The following ACAP3 variants were observed in gnomAD, a reference collection of about 807,000 sequenced individuals.
ACAP3 encodes the protein arf-GAP with coiled-coil, ANK repeat and PH domain-containing protein 3.
Under a neutral mutation model 104.1 loss-of-function variants are expected in ACAP3, and 56 were observed. That is an observed-to-expected ratio of 0.54 (90% CI 0.43 to 0.67). The LOEUF (loss-of-function observed/expected upper bound fraction) is 0.67, where lower values mean the gene tolerates loss of function less well. Among genes scored for constraint, ACAP3 ranks in the 30% least tolerant of loss-of-function variants. ACAP3 has a pLI of 0.00. For missense variants in ACAP3, 1,208 were observed against 1,174.9 expected (o/e 1.03, Z -0.41); for synonymous variants, 628 against 496.2 (o/e 1.27, Z -3.53).
intron 14 of ACAP3, among the ~76,000 whole-genome samples, 183 bp from the exon 15 acceptor site, chr1:1,296,816 C>T (rs1045600418): frequency 2.6e-4 from 32 of 124,436 alleles, no homozygotes; most frequent in Admixed American, 1.2e-3. Flanking sequence ...AGCACACGCC[C>T]GCACACGCAC....
chr1:1,296,852 G>A (rs1641191195), intron 14 of ACAP3, among the ~76,000 whole-genome samples: 1 of 147,266 alleles, frequency 6.8e-6, no homozygotes, highest in African/African-American at 2.4e-5. Context: ...CACGTGGACA[G>A]GTGGCGCCGA....
At chr1:1,306,480 TG>T (rs1408692617) in intron 1 of ACAP3, among the ~76,000 whole-genome samples, 2 of 152,104 alleles carry the variant, frequency 1.3e-5, no homozygotes, top group Non-Finnish European at 2.9e-5. Context: ...CAACAGAAGA[TG>T]GGAGAGCAGA....
At position 1,300,207 on chromosome 1, in the gene ACAP3, C is replaced by A; in HGVS notation, c.523-5G>T. The A allele has an allele frequency of 6.2e-7, 1 of 1,604,818 alleles. No individual in the cohort carries two copies. The highest frequency in any genetic ancestry group is 8.5e-7 in the Non-Finnish European group (1 of 1,175,228). On this transcript the variant is annotated splice_polypyrimidine_tract_variant and splice_region_variant and intron_variant, in intron 6 of 23. Coordinates refer to ENST00000354700, the MANE Select transcript of ACAP3 (RefSeq NM_030649.3). ...CTTGGCCTGCAGAACATTGATCTGC[C>A]AGAGGGGGAGCCCACAGGTGAGCCC...
At chr1:1,300,288 T>C in intron 6 of ACAP3, 86 bp from the exon 7 acceptor site, 1 of 1,476,124 alleles carries the variant, frequency 6.8e-7, no homozygotes, top group Non-Finnish European at 9.1e-7. Flanking sequence ...CCTGAGCTGC[T>C]TGTGGTTCCC....
rs778300977 is a variant in ACAP3 at position 1,307,406 on chromosome 1, G to C, written c.47+363C>G. 18 of 1,291,714 alleles carry C rather than the reference G, an allele frequency of 1.4e-5. No individual in the cohort carries two copies. The South Asian group carries it at 2.2e-4, about 16-fold the overall frequency. The allele number at this position is 1,291,714 out of a possible 1,614,324, so 80.0% of individuals were successfully genotyped here. A position where few individuals can be genotyped will look rare whatever the true frequency, so the allele number is the denominator to read the frequency against. On this transcript the variant is annotated intron_variant, in intron 1 of 23. Coordinates refer to ENST00000354700, the MANE Select transcript of ACAP3 (RefSeq NM_030649.3). ...GCTCTGGACACAGGATCAAGTCAGA[G>C]ACCAGGGGCCGACGCCCCCACGGAC...
intron 9 of ACAP3, 84 bp downstream of exon 9, chr1:1,299,747 C>T (rs771661694): frequency 1.8e-5 from 26 of 1,412,288 alleles, no homozygotes; most frequent in Admixed American, 1.1e-4. Context: ...GAGGAAGGGG[C>T]GGGGAGGGTG....
chr1:1,293,731 A>ACGACCCGCCCCTGCCCTGGAGGCCC, intron 23 of ACAP3, 23 bp from the exon 24 acceptor site: 2 of 942,762 alleles, frequency 2.1e-6, no homozygotes, highest in East Asian at 7.1e-5. Context: ...ACAGCGTGAG[A>ACGACCCGCCCCTGCCCTGGAGGCCC]CGCCCCTGCC....
In ACAP3 at chr1:1,299,988, C is replaced by T. The variant is rs766433058; in HGVS notation, c.648G>A (p.Lys216=). Residue 216 remains lysine (K), a synonymous_variant, in exon 8 of 24, where the codon AAG becomes AAA. Transcript: ENST00000354700. The part of the protein sequence containing the change: ...SLLHQLDPYM[K]KLAAELDQLV... Reference sequence around the variant, plus strand: ...AAAGGCTCACCTCGGCTGCCAGCTTCTTCATGTAGGGGTCCAGCTGGTGCA... The same window carrying T: ...AAAGGCTCACCTCGGCTGCCAGCTTTTTCATGTAGGGGTCCAGCTGGTGCA... 5.0e-6 allele frequency: 8 copies of T among 1,610,548 alleles called. No homozygotes were observed. Among genetic ancestry groups the T allele is most frequent in the Admixed American group, 1.7e-5 (1 of 59,932 alleles).
At chr1:1,307,132 A>G (rs1268701044) in intron 1 of ACAP3, 1 of 1,245,772 alleles carries the variant, frequency 8.0e-7, no homozygotes, top group African/African-American at 1.5e-5. Flanking sequence ...CACCAAGCAA[A>G]GCCGATGCAC....
rs774777723 is a variant in ACAP3 at position 1,293,653 on chromosome 1, G to C, written c.2416C>G (p.Pro806Ala). 2 of 1,475,410 alleles carry C rather than the reference G, an allele frequency of 1.4e-6. No homozygotes were observed. The highest frequency in any genetic ancestry group is 1.5e-5 in the African/African-American group (1 of 66,552). The allele number at this position is 1,475,410 out of a possible 1,614,324, so 91.4% of individuals were successfully genotyped here. ...GGGCTGCCCGCCAGGGCGCCCGGGG[G>C]ACCAGGGGCAGCCTCGGCCTCGCGC... The part of the protein sequence containing the change: ...EMREAEAAPG[P>A]PGALAGSPTE... Residue 806 changes from proline to alanine, a missense_variant, in exon 24 of 24, where the codon CCC becomes GCC. Physicochemically the swap from Pro to Ala is conservative, Grantham distance 27 (BLOSUM62 -1). Transcript: ENST00000354700.
Position 1,298,608 on chromosome 1 carries a change from G to A in ACAP3, c.822C>T (p.Tyr274=), listed in dbSNP as rs1188351232. The A allele has an allele frequency of 1.9e-6, 3 of 1,612,164 alleles. No individual in the cohort carries two copies. Among genetic ancestry groups the A allele is most frequent in the Non-Finnish European group, 2.5e-6 (3 of 1,179,752 alleles). Reference sequence around the variant, plus strand: ...AAGCGTTGCTGGCCCTCTTGAAGAGGTAGCCCTCCATCACCACCCCACTGG... The same window carrying A: ...AAGCGTTGCTGGCCCTCTTGAAGAGATAGCCCTCCATCACCACCCCACTGG... ...DAPSGVVMEG[Y]LFKRASNAFK... The change falls in exon 11 of 24, where the codon TAC becomes TAT. Residue 274 remains tyrosine (Y), a synonymous_variant. Coordinates refer to ENST00000354700, the MANE Select transcript of ACAP3 (RefSeq NM_030649.3).
At chr1:1,298,462 T>A (rs1462066595) in intron 11 of ACAP3, 41 bp from the exon 12 acceptor site, 1 of 1,593,306 alleles carries the variant, frequency 6.3e-7, no homozygotes, top group African/African-American at 1.3e-5. Context: ...GCGGGGCCCA[T>A]CCCAGGGCTG....
chr1:1,295,396 C>T (rs1471860617), intron 19 of ACAP3, 51 bp downstream of exon 19: 3 of 1,555,624 alleles, frequency 1.9e-6, no homozygotes, highest in African/African-American at 1.4e-5. Context: ...CCCTTCAGGC[C>T]AGCCTCCTTG....
Position 1,299,762 on chromosome 1 carries a change from G to A in ACAP3, c.738+69C>T, listed in dbSNP as rs765889645. 51 of 1,469,784 alleles carry A rather than the reference G, an allele frequency of 3.5e-5. No homozygotes were observed. The African/African-American group carries it at 5.4e-4, about 15-fold the overall frequency. 91.0% of individuals were successfully genotyped at this position (1,469,784 alleles called of 1,614,324 possible). On this transcript the variant is annotated intron_variant, in intron 9 of 23. Transcript: ENST00000354700. Reference sequence around the variant, plus strand: ...GAGGAAGGGGCGGGGAGGGTGTGCCGGGCATGGGGTGAGGACGCAGGGGCC... The same window carrying A: ...GAGGAAGGGGCGGGGAGGGTGTGCCAGGCATGGGGTGAGGACGCAGGGGCC...
At chr1:1,305,386 C>G (rs1641647378) in intron 1 of ACAP3, 1 of 152,860 alleles carries the variant, frequency 6.5e-6, no homozygotes, top group Non-Finnish European at 1.5e-5. Flanking sequence ...AGAGAAGGGA[C>G]CATCCTCCCA....
At position 1,300,665 on chromosome 1, in the gene ACAP3, CTT is replaced by C; in HGVS notation, c.364_365del (p.Lys122GlufsTer4). On this transcript the variant is annotated frameshift_variant, in exon 6 of 24. Transcript: ENST00000354700. LOFTEE classifies it high-confidence loss of function. ...CCTCCCGCACCTTGTCAAACTGCTT[CTT>C]TGTCTCCTTGAACTTCCGCACATCC... is the stretch of plus-strand genomic sequence containing the variant. ...KEDVRKFKETKKQFDKVREDL... is the reference protein window; with the variant it reads ...KEDVRKFKETXKQFDKVREDL... 1 of 1,608,986 alleles carries C rather than the reference CTT, an allele frequency of 6.2e-7. No homozygotes were observed. Among genetic ancestry groups the C allele is most frequent in the Non-Finnish European group, 8.5e-7 (1 of 1,178,778 alleles).
intron 1 of ACAP3, chr1:1,305,740 G>T: frequency 6.5e-6 from 1 of 153,068 alleles, no homozygotes; most frequent in Non-Finnish European, 1.5e-5. Context: ...CCCAACCAAA[G>T]CCATGACTCA....
intron 1 of ACAP3, chr1:1,307,357 C>A (rs1641778794): frequency 7.8e-7 from 1 of 1,289,842 alleles, no homozygotes; most frequent in African/African-American, 1.5e-5. Context: ...AAACGCGGCT[C>A]CAGCTGCCTG....
intron 4 of ACAP3, among the ~76,000 whole-genome samples, chr1:1,302,457 GA>G (rs1307452326): frequency 2.0e-5 from 3 of 152,198 alleles, no homozygotes. Flanking sequence ...CCGAAGTAGA[GA>G]AGGACCGGGC....
Sources: allele counts gnomAD v4.1 joint callset (sites outside exome capture counted in the v4.1 genomes callset), GRCh38; gene constraint gnomAD v4.1.1; transcripts MANE v1.5; gene names NCBI Gene and HGNC (gene_info 2026-07-23, HGNC 2026-07-21).